SLC9A4: variants seen among roughly 807,000 people sequenced by gnomAD.
SLC9A4 encodes the protein solute carrier family 9 member A4.
SLC9A4 carries 63 observed loss-of-function variants against 67.4 expected under a neutral mutation model. That is an observed-to-expected ratio of 0.93 (90% CI 0.76 to 1.15). The LOEUF is 1.15. Among genes scored for constraint, SLC9A4 ranks in the 50% most tolerant of loss-of-function variants. The pLI, the probability that SLC9A4 is intolerant of heterozygous loss-of-function variation, is 0.00. For synonymous variants in SLC9A4, 393 were observed against 367.2 expected, an observed-to-expected ratio of 1.07 and a Z score of -0.80; for missense variants, 1,089 against 987.7, an observed-to-expected ratio of 1.10 and a Z score of -1.38.
At chr2:102,487,732 A>G (rs1476180694) in intron 2 of SLC9A4, among the ~76,000 whole-genome samples, 8 of 152,198 alleles carry the variant, frequency 5.3e-5, no homozygotes, top group Non-Finnish European at 1.0e-4. Context: ...AAAAAGAAAA[A>G]GCCTCTCGTT....
rs1684984435 is a variant in SLC9A4 at position 102,503,441 on chromosome 2, T to A, written c.721-7T>A. The stretch of plus-strand genomic sequence containing the variant: ...ATTCATATTTGTTTACTCTCTTTTT[T>A]GCCTAGGTCTTATACAATATGTTAA... On this transcript the variant is annotated splice_polypyrimidine_tract_variant and splice_region_variant and intron_variant, in intron 2 of 11. Coordinates refer to ENST00000295269, the MANE Select transcript of SLC9A4 (RefSeq NM_001011552.4). 6.4e-7 allele frequency: 1 copy of A among 1,572,444 alleles called. No homozygotes were observed. Among genetic ancestry groups the A allele is most frequent in the African/African-American group, 1.4e-5 (1 of 73,524 alleles).
At chr2:102,498,265 T>C (rs1332674069) in intron 2 of SLC9A4, among the ~76,000 whole-genome samples, 3 of 152,194 alleles carry the variant, frequency 2.0e-5, no homozygotes, top group Non-Finnish European at 4.4e-5. Context: ...GTAGTAAGGA[T>C]TGTGATTGTA....
chr2:102,490,111 C>T (rs547764279), intron 2 of SLC9A4, among the ~76,000 whole-genome samples: 95 of 149,312 alleles, frequency 6.4e-4, no homozygotes, highest in African/African-American at 2.0e-3. Flanking sequence ...TTTTTTTTAA[C>T]TTGACAGTAA....
chr2:102,521,250 A>G (rs1432958410), intron 9 of SLC9A4, among the ~76,000 whole-genome samples: 3 of 152,198 alleles, frequency 2.0e-5, no homozygotes, highest in African/African-American at 7.2e-5. Flanking sequence ...TCCAGTCTCA[A>G]ATAAGGTCAA....
Position 102,514,160 on chromosome 2 carries a change from G to T in SLC9A4, c.1630G>T (p.Val544Phe). Residue 544 changes from valine to phenylalanine, a missense_variant, in exon 8 of 12, where the codon GTT becomes TTT. Physicochemically the swap from Val to Phe is conservative, Grantham distance 50 (BLOSUM62 -1). Coordinates refer to ENST00000295269, the MANE Select transcript of SLC9A4 (RefSeq NM_001011552.4). ...IRKNLPKSSI[V>F]SLYKKLEMKQ... ...AAAGAACCTACCCAAATCAAGCATT[G>T]TTTCTTTGTACAAGAAGCTGGAAAT... is the stretch of plus-strand genomic sequence containing the variant. The T allele has an allele frequency of 6.2e-7, 1 of 1,614,012 alleles. No individual in the cohort carries two copies. The highest frequency in any genetic ancestry group is 8.5e-7 in the Non-Finnish European group (1 of 1,179,974).
intron 9 of SLC9A4, among the ~76,000 whole-genome samples, chr2:102,522,318 A>G (rs1685443566): frequency 6.6e-6 from 1 of 152,152 alleles, no homozygotes; most frequent in South Asian, 2.1e-4. Flanking sequence ...CATCAGGAAC[A>G]CTGCACTGAA....
chr2:102,518,185 C>T (rs139672593), intron 8 of SLC9A4, among the ~76,000 whole-genome samples: 4 of 152,312 alleles, frequency 2.6e-5, no homozygotes, highest in African/African-American at 4.8e-5. Context: ...TAACTAAGTT[C>T]GTCCCCCCCA....
At chr2:102,499,147 G>T (rs1008115633) in intron 2 of SLC9A4, among the ~76,000 whole-genome samples, 1 of 152,142 alleles carries the variant, frequency 6.6e-6, no homozygotes, top group African/African-American at 2.4e-5. Context: ...TTCCAGGAAG[G>T]GGCCTATCTC....
chr2:102,530,831 T>C (rs1203052212), intron 11 of SLC9A4, among the ~76,000 whole-genome samples: 3 of 152,234 alleles, frequency 2.0e-5, no homozygotes, highest in African/African-American at 7.2e-5. Context: ...GTTGGTCTCC[T>C]TTGGCCAATT....
chr2:102,479,350 G>A, intron 2 of SLC9A4, 48 bp downstream of exon 2: 1 of 1,534,702 alleles, frequency 6.5e-7, no homozygotes. Context: ...TGAGGGTTCG[G>A]GGTGGGGCTG....
At position 102,532,992 on chromosome 2, in the gene SLC9A4, C is replaced by A; in HGVS notation, c.*304C>A. On this transcript the variant is annotated 3_prime_UTR_variant, in exon 12 of 12. Coordinates refer to ENST00000295269, the MANE Select transcript of SLC9A4 (RefSeq NM_001011552.4). ...TCTATCAAAAGCATTGGATCCAAGC[C>A]ATATATTGAAATACAAGCGTGATTA... 3.9e-6 allele frequency: 1 copy of A among 254,662 alleles called. No individual in the cohort carries two copies. Among genetic ancestry groups the A allele is most frequent in the Non-Finnish European group, 7.6e-6 (1 of 131,272 alleles). 15.8% of individuals were successfully genotyped at this position (254,662 alleles called of 1,614,324 possible).
At chr2:102,499,880 A>C (rs995051131) in intron 2 of SLC9A4, among the ~76,000 whole-genome samples, 13 of 152,230 alleles carry the variant, frequency 8.5e-5, no homozygotes, top group African/African-American at 3.1e-4. Context: ...AATAAGCCAG[A>C]GTTTAAGACC....
chr2:102,495,069 G>A (rs1347279463), intron 2 of SLC9A4, among the ~76,000 whole-genome samples: 2 of 151,906 alleles, frequency 1.3e-5, no homozygotes, highest in African/African-American at 4.8e-5. Context: ...TAATAAAAAT[G>A]GCCATACATT....
At chr2:102,495,347 TATA>T (rs1479609753) in intron 2 of SLC9A4, among the ~76,000 whole-genome samples, 2 of 152,128 alleles carry the variant, frequency 1.3e-5, no homozygotes, top group Admixed American at 6.5e-5. Flanking sequence ...CATTGAATAT[TATA>T]GAACATTGCT....
In SLC9A4 at chr2:102,526,446, G is replaced by T. The variant is rs1573358344; in HGVS notation, c.2038+100G>T. The T allele has an allele frequency of 1.8e-5, 18 of 998,636 alleles. No individual in the cohort carries two copies. In the East Asian group the frequency reaches 3.5e-4, roughly 19 times the overall value. The allele number at this position is 998,636 out of a possible 1,614,324, so 61.9% of individuals were successfully genotyped here. ...AGGCAACATTAAGAACATTATGTAG[G>T]TTACTTACATGATAAGAAAAAGAAG... On this transcript the variant is annotated intron_variant, in intron 11 of 11. Coordinates refer to ENST00000295269, the MANE Select transcript of SLC9A4 (RefSeq NM_001011552.4).
intron 2 of SLC9A4, among the ~76,000 whole-genome samples, chr2:102,489,135 T>C (rs916444263): frequency 6.6e-6 from 1 of 152,188 alleles, no homozygotes; most frequent in Non-Finnish European, 1.5e-5. Context: ...TAAACTACCT[T>C]TTGTATCATG....
In SLC9A4 at chr2:102,478,690, G is replaced by A. The variant is rs1684384587; in HGVS notation, c.257-149G>A. On this transcript the variant is annotated intron_variant, in intron 1 of 11. Coordinates refer to ENST00000295269, the MANE Select transcript of SLC9A4 (RefSeq NM_001011552.4). ...TACTGATCTTATTGGCGACCCTCAT[G>A]ACACTACCAGTTCCTGCTACAGATG... 6.8e-6 allele frequency: 5 copies of A among 733,840 alleles called. No homozygotes were observed. In the South Asian group the frequency reaches 7.5e-5, roughly 11 times the overall value. 45.5% of individuals were successfully genotyped at this position (733,840 alleles called of 1,614,324 possible). A position where few individuals can be genotyped will look rare whatever the true frequency, so the allele number is the denominator to read the frequency against.
intron 8 of SLC9A4, 30 bp from the exon 9 acceptor site, chr2:102,519,829 T>C (rs778622489): frequency 3.2e-5 from 51 of 1,607,758 alleles, no homozygotes; most frequent in Middle Eastern, 3.3e-4. Flanking sequence ...GAAAGAATAA[T>C]GTTTGTCTCT....
chr2:102,473,945 G>A lies in SLC9A4; in HGVS notation c.186G>A (p.Leu62=), dbSNP rs1213211184. 6.2e-7 allele frequency: 1 copy of A among 1,613,900 alleles called. No individual in the cohort carries two copies. The highest frequency in any genetic ancestry group is 8.5e-7 in the Non-Finnish European group (1 of 1,179,944). The part of the protein sequence containing the change: ...EPEEGISVFE[L]DYDYVQIPYE... Reference sequence around the variant, plus strand: ...AGGAAGGGATATCTGTTTTTGAACTGGATTATGACTATGTGCAAATTCCTT... The same window carrying A: ...AGGAAGGGATATCTGTTTTTGAACTAGATTATGACTATGTGCAAATTCCTT... Residue 62 remains leucine, a synonymous_variant, in exon 1 of 12, where the codon CTG becomes CTA. Coordinates refer to ENST00000295269, the MANE Select transcript of SLC9A4 (RefSeq NM_001011552.4).
Sources: gnomAD v4.1 joint callset for allele counts (sites outside exome capture counted in the v4.1 genomes callset) on GRCh38, gnomAD v4.1.1 for gene constraint, MANE v1.5 for transcripts, NCBI Gene and HGNC (gene_info 2026-07-23, HGNC 2026-07-21) for gene names.